The following RSU1 variants were observed in gnomAD, a reference collection of about 807,000 sequenced individuals.
RSU1 encodes the protein Ras suppressor protein 1.
RSU1 carries 26 observed loss-of-function variants against 31.1 expected under a neutral mutation model. The ratio of observed to expected loss-of-function variants is 0.84; its 90% CI spans 0.61 to 1.16. RSU1 has a LOEUF of 1.16. RSU1 is among the 50% of genes most tolerant of loss of function. The pLI, the probability that RSU1 is intolerant of heterozygous loss-of-function variation, is 0.00. For synonymous variants in RSU1, 164 were observed against 136.3 expected, an observed-to-expected ratio of 1.20 and a Z score of -1.41; for missense variants, 320 against 339.1, an observed-to-expected ratio of 0.94 and a Z score of 0.44.
At chr10:16,816,138 A>G (rs2131284341) in intron 2 of RSU1, among the ~76,000 whole-genome samples, 1 of 152,366 alleles carries the variant, frequency 6.6e-6, no homozygotes. Context: ...TATTAGAATT[A>G]GTAGCCAACA....
At chr10:16,754,546 CTTTTTT>C (rs11311165) in intron 5 of RSU1, among the ~76,000 whole-genome samples, 2 of 134,496 alleles carry the variant, frequency 1.5e-5, no homozygotes, top group Non-Finnish European at 3.2e-5. Context: ...TAGGAAGATA[CTTTTTT>C]TTTTTTTTTT....
chr10:16,716,439 G>C lies in RSU1; in HGVS notation c.599-21284C>G, dbSNP rs1164315461. ...CATGGCTGATCCTAAGCAGTTCTGAGAGCCCTCACATATTTCTGCAAGTTT... is the reference window on the plus strand; with the variant it reads ...CATGGCTGATCCTAAGCAGTTCTGACAGCCCTCACATATTTCTGCAAGTTT... On this transcript the variant is annotated intron_variant, in intron 7 of 8. Transcript: ENST00000345264. Among the ~76,000 whole-genome samples the C allele has an allele frequency of 2.0e-5, 3 of 152,112 alleles. No homozygotes were observed. In the South Asian group the frequency reaches 6.2e-4, roughly 32 times the overall value.
At chr10:16,657,873 C>T (rs112228642) in intron 8 of RSU1, among the ~76,000 whole-genome samples, 26,272 of 152,046 alleles carry the variant, frequency 0.17, 2,831 homozygotes, top group South Asian at 0.33. Context: ...ACTTGTGATC[C>T]CAGCTACTCG....
At chr10:16,757,420 G>A (rs544915735) in intron 4 of RSU1, among the ~76,000 whole-genome samples, 1 of 152,058 alleles carries the variant, frequency 6.6e-6, no homozygotes, top group African/African-American at 2.4e-5. Flanking sequence ...AGGGAAACGC[G>A]GGTTCCCCCT....
rs1835100961 is a variant in RSU1, at chr10:16,671,299, C to G, written c.731+23724G>C. On this transcript the variant is annotated intron_variant, in intron 8 of 8. Transcript: ENST00000345264. ...GTTCAAGTGATCCTCCTGCCTTGTC[C>G]TCCCAAAGAGCTGGGATTACAGGTG... is the stretch of plus-strand genomic sequence containing the variant. Among the ~76,000 whole-genome samples, 3 of 152,072 alleles carry G rather than the reference C, an allele frequency of 2.0e-5. No individual in the cohort carries two copies. The South Asian group carries it at 6.2e-4, about 32-fold the overall frequency.
rs115998803 is a variant in RSU1, at chr10:16,601,573, G to A, written c.732-8077C>T. ...TAATGGTTCCCTTCTTGGTTTTCCC[G>A]ATGCAGGTGACTTCCCTTCCCAGTG... is the stretch of plus-strand genomic sequence containing the variant. On this transcript the variant is annotated intron_variant, in intron 8 of 8. Coordinates refer to ENST00000345264, the MANE Select transcript of RSU1 (RefSeq NM_012425.4). Among the ~76,000 whole-genome samples the A allele has an allele frequency of 2.4e-3, 365 of 152,170 alleles. 2 individuals carry two copies. The highest frequency in any genetic ancestry group is 8.3e-3 in the African/African-American group (343 of 41,516).
At chr10:16,808,467 G>A (rs1218347203) in intron 2 of RSU1, among the ~76,000 whole-genome samples, 6 of 125,626 alleles carry the variant, frequency 4.8e-5, no homozygotes, top group Admixed American at 9.2e-5. Flanking sequence ...TGGGCAACAA[G>A]AGTGAAACTC....
At chr10:16,655,470 C>A (rs917657905) in intron 8 of RSU1, among the ~76,000 whole-genome samples, 11 of 152,100 alleles carry the variant, frequency 7.2e-5, no homozygotes, top group African/African-American at 2.7e-4. Context: ...TTTCTGCCTG[C>A]CTGAAAACTT....
intron 7 of RSU1, among the ~76,000 whole-genome samples, chr10:16,737,566 T>C (rs1024115770): frequency 4.0e-5 from 6 of 151,896 alleles, no homozygotes; most frequent in African/African-American, 1.4e-4. Context: ...AGCTAATTAA[T>C]GACCAAAAAG....
At chr10:16,787,424 C>G (rs927251129) in intron 2 of RSU1, among the ~76,000 whole-genome samples, 2 of 152,148 alleles carry the variant, frequency 1.3e-5, no homozygotes, top group Non-Finnish European at 2.9e-5. Context: ...ACTTGCCCAA[C>G]CCGCACGGCT....
At chr10:16,755,934 G>A (rs570296436) in intron 4 of RSU1, among the ~76,000 whole-genome samples, 37 of 152,044 alleles carry the variant, frequency 2.4e-4, no homozygotes, top group Non-Finnish European at 4.9e-4. Context: ...TTCCTCCAAC[G>A]GTGAAACTTA....
At chr10:16,748,324 C>G (rs962668027) in intron 7 of RSU1, 1 of 151,994 alleles carries the variant, frequency 6.6e-6, no homozygotes, top group African/African-American at 2.4e-5. Context: ...CTTCTCGGCT[C>G]GTGGCCCCTT....
chr10:16,667,819 A>C (rs1054260536), intron 8 of RSU1, among the ~76,000 whole-genome samples: 23 of 152,270 alleles, frequency 1.5e-4, no homozygotes, highest in Middle Eastern at 6.8e-3. Flanking sequence ...TACTTTACAT[A>C]TGAACTATAT....
intron 7 of RSU1, among the ~76,000 whole-genome samples, chr10:16,718,014 T>C (rs1379385874): frequency 1.3e-5 from 2 of 149,412 alleles, no homozygotes; most frequent in African/African-American, 4.9e-5. Context: ...GAAAGTACTA[T>C]GATACTCTAC....
At chr10:16,813,414 C>T (rs531550473) in intron 2 of RSU1, among the ~76,000 whole-genome samples, 1 of 152,276 alleles carries the variant, frequency 6.6e-6, no homozygotes, top group Admixed American at 6.5e-5. Flanking sequence ...TTGGTTCAGG[C>T]TACTGACTAT....
At chr10:16,627,103 G>A (rs1487527828) in intron 8 of RSU1, among the ~76,000 whole-genome samples, 1 of 152,214 alleles carries the variant, frequency 6.6e-6, no homozygotes, top group Non-Finnish European at 1.5e-5. Flanking sequence ...TCACTTCACT[G>A]ACAGGACGAC....
chr10:16,602,430 G>T (rs577609262), intron 8 of RSU1, among the ~76,000 whole-genome samples: 1 of 152,142 alleles, frequency 6.6e-6, no homozygotes, highest in Non-Finnish European at 1.5e-5. Context: ...TTGAGGCTCC[G>T]ATAAACCCAG....
chr10:16,808,756 C>T (rs1461707383), intron 2 of RSU1, among the ~76,000 whole-genome samples: 1 of 152,186 alleles, frequency 6.6e-6, no homozygotes, highest in Non-Finnish European at 1.5e-5. Context: ...TCCCAAATAC[C>T]TCAACATGTG....
intron 8 of RSU1, among the ~76,000 whole-genome samples, chr10:16,681,245 C>T (rs1256244326): frequency 6.6e-6 from 1 of 152,144 alleles, no homozygotes; most frequent in Non-Finnish European, 1.5e-5. Context: ...TTAAGATGCT[C>T]GTTGTTTCTC....
Sources: gnomAD v4.1 joint callset for allele counts (sites outside exome capture counted in the v4.1 genomes callset) on GRCh38, gnomAD v4.1.1 for gene constraint, MANE v1.5 for transcripts, NCBI Gene and HGNC (gene_info 2026-07-23, HGNC 2026-07-21) for gene names.